Variants in CR1 observed in about 807,000 individuals in gnomAD.
CR1 encodes the protein complement receptor type 1.
In CR1, 116 loss-of-function variants were observed where a neutral mutation model predicts 187.3. That is an observed-to-expected ratio of 0.62 (90% CI 0.53 to 0.72). The LOEUF (loss-of-function observed/expected upper bound fraction) is 0.72, where lower values mean the gene tolerates loss of function less well. Ranked by LOEUF, CR1 falls within the 30% of genes least tolerant of loss-of-function variation. CR1 has a pLI of 0.00. For synonymous variants in CR1, 576 were observed against 747.1 expected (o/e 0.77, Z 3.73); for missense variants, 1,731 against 2,110.7 (o/e 0.82, Z 3.52).
At chr1:207,582,105 G>A (rs965669826) in intron 32 of CR1, 102 bp downstream of exon 32, 10 of 691,140 alleles carry the variant, frequency 1.4e-5, no homozygotes, top group South Asian at 6.5e-5. Context: ...GTTTGTGCCC[G>A]CTTTTGATAG....
At chr1:207,567,387 G>C (rs1198787490) in intron 24 of CR1, among the ~76,000 whole-genome samples, 1 of 149,550 alleles carries the variant, frequency 6.7e-6, no homozygotes, top group Non-Finnish European at 1.5e-5. Context: ...ACCTATTTAA[G>C]ATGATTAGCA....
At chr1:207,521,544 C>A (rs1227975582) in intron 4 of CR1, among the ~76,000 whole-genome samples, 2 of 150,686 alleles carry the variant, frequency 1.3e-5, no homozygotes, top group Admixed American at 1.3e-4. Context: ...TGCTATTAAT[C>A]TCACACAAAT....
intron 42 of CR1, 39 bp from the exon 43 acceptor site, chr1:207,619,841 A>C: frequency 6.6e-7 from 1 of 1,526,078 alleles, no homozygotes; most frequent in Non-Finnish European, 8.8e-7. Flanking sequence ...GACAATCAAC[A>C]ATAAAATATC....
intron 33 of CR1, among the ~76,000 whole-genome samples, chr1:207,585,103 G>A (rs1661074363): frequency 6.6e-6 from 1 of 152,016 alleles, no homozygotes; most frequent in Non-Finnish European, 1.5e-5. Context: ...AAGAGGGTGG[G>A]AAAAAGGGAC....
chr1:207,575,323 A>C (rs184750999), intron 27 of CR1, among the ~76,000 whole-genome samples: 9 of 152,356 alleles, frequency 5.9e-5, no homozygotes, highest in Admixed American at 5.9e-4. Context: ...TGGTCTACAA[A>C]ATAATTGTTT....
intron 45 of CR1, among the ~76,000 whole-genome samples, chr1:207,623,443 C>A (rs542392857): frequency 6.6e-6 from 1 of 151,812 alleles, no homozygotes; most frequent in South Asian, 2.1e-4. Context: ...ATTAGCTGGG[C>A]GAGGTGGGAC....
intron 45 of CR1, among the ~76,000 whole-genome samples, chr1:207,628,209 C>T (rs967251394): frequency 4.6e-5 from 7 of 152,084 alleles, no homozygotes; most frequent in African/African-American, 1.7e-4. Context: ...CTGCACCCTC[C>T]ACCTTGGCCT....
At position 207,523,979 on chromosome 1, in the gene CR1, T is replaced by C; in HGVS notation, c.856T>C (p.Trp286Arg). The C allele has an allele frequency of 1.2e-6, 2 of 1,611,764 alleles. No homozygotes were observed. The highest frequency in any genetic ancestry group is 1.7e-6 in the Non-Finnish European group (2 of 1,179,716). Reference sequence around the variant, plus strand: ...TGTGAAGTGCCAGGCCCTGAACAAATGGGAGCCGGAGCTACCAAGCTGCTC... The same window carrying C: ...TGTGAAGTGCCAGGCCCTGAACAAACGGGAGCCGGAGCTACCAAGCTGCTC... ...RRVKCQALNK[W>R]EPELPSCSRV... Residue 286 changes from tryptophan to arginine, a missense_variant, in exon 5 of 47, where the codon TGG becomes CGG. By Grantham distance (101) the Trp-to-Arg change is moderately radical. Coordinates refer to ENST00000367049, the MANE Select transcript of CR1 (RefSeq NM_000651.6).
rs186183874 is a variant in CR1 at position 207,565,999 on chromosome 1, A to G, written c.3952+76A>G. 8.3e-4 allele frequency: 1,279 copies of G among 1,549,010 alleles called. 8 individuals carry two copies. Among genetic ancestry groups the G allele is most frequent in the Non-Finnish European group, 1.1e-3 (1,250 of 1,130,662 alleles). ...ACTATTTGTCCTATGGCCTCCCTCA[A>G]TGTGATTCTTCAATATTCTAGTCTT... On this transcript the variant is annotated intron_variant, in intron 24 of 46. Coordinates refer to ENST00000367049, the MANE Select transcript of CR1 (RefSeq NM_000651.6).
intron 35 of CR1, among the ~76,000 whole-genome samples, chr1:207,591,113 T>A (rs1460229306): frequency 6.6e-6 from 1 of 152,226 alleles, no homozygotes; most frequent in Middle Eastern, 3.4e-3. Flanking sequence ...CTAATAGACA[T>A]CTATAGAACT....
chr1:207,590,618 A>G (rs78910054), intron 35 of CR1, among the ~76,000 whole-genome samples: 1,967 of 152,318 alleles, frequency 0.013, 47 homozygotes, highest in African/African-American at 0.044. Flanking sequence ...CAATTCTAAC[A>G]TTAAATGTAA....
At chr1:207,604,282 T>C (rs1302350422) in intron 35 of CR1, among the ~76,000 whole-genome samples, 3 of 152,236 alleles carry the variant, frequency 2.0e-5, no homozygotes, top group Non-Finnish European at 2.9e-5. Context: ...GAGTTGTTTT[T>C]ATTATTTTTC....
chr1:207,616,160 A>T (rs1234194086), intron 40 of CR1, among the ~76,000 whole-genome samples: 1 of 152,188 alleles, frequency 6.6e-6, no homozygotes, highest in African/African-American at 2.4e-5. Context: ...ATGATAGCTC[A>T]TGTTTATTAA....
At chr1:207,601,240 T>G (rs1368650569) in intron 35 of CR1, among the ~76,000 whole-genome samples, 1 of 152,118 alleles carries the variant, frequency 6.6e-6, no homozygotes, top group East Asian at 1.9e-4. Context: ...GACATAAGCC[T>G]GTTGATATTG....
chr1:207,593,147 C>T (rs138295866), intron 35 of CR1, among the ~76,000 whole-genome samples: 2 of 147,588 alleles, frequency 1.4e-5, no homozygotes, highest in South Asian at 4.3e-4. Context: ...CCCATATAGC[C>T]AAGACAATCC....
At chr1:207,615,873 T>G (rs1662075953) in intron 40 of CR1, among the ~76,000 whole-genome samples, 1 of 152,216 alleles carries the variant, frequency 6.6e-6, no homozygotes, top group Non-Finnish European at 1.5e-5. Flanking sequence ...GTACTAGGTC[T>G]TTTATATACA....
At position 207,579,728 on chromosome 1, in the gene CR1, G is replaced by A. The variant is rs145298960; in HGVS notation, c.4937-512G>A. Among the ~76,000 whole-genome samples the A allele has an allele frequency of 2.3e-4, 35 of 152,288 alleles. No homozygotes were observed. In the East Asian group the frequency reaches 6.6e-3, roughly 29 times the overall value. The stretch of plus-strand genomic sequence containing the variant: ...CAGGAACCCTTATGTTGCTGACTCT[G>A]GGTGTGCTGCCTGTGAGTTAGCCCT... On this transcript the variant is annotated intron_variant, in intron 29 of 46. Coordinates refer to ENST00000367049, the MANE Select transcript of CR1 (RefSeq NM_000651.6).
intron 45 of CR1, among the ~76,000 whole-genome samples, chr1:207,629,733 A>G (rs1339477870): frequency 6.6e-6 from 1 of 152,186 alleles, no homozygotes; most frequent in African/African-American, 2.4e-5. Flanking sequence ...TTATCATTTC[A>G]TTGATAAAAG....
intron 41 of CR1, among the ~76,000 whole-genome samples, chr1:207,617,604 TATATATATAGAGAGAGAG>T (rs1334992623): frequency 0.01 from 226 of 22,034 alleles, no homozygotes; most frequent in East Asian, 0.04. Flanking sequence ...TATATATATA[TATATATATAGAGAGAGAG>T]AGAGAGAGAG....
Sources: gnomAD v4.1 joint callset for allele counts (sites outside exome capture counted in the v4.1 genomes callset) on GRCh38, gnomAD v4.1.1 for gene constraint, MANE v1.5 for transcripts, NCBI Gene and HGNC (gene_info 2026-07-23, HGNC 2026-07-21) for gene names.